Variants in USP2 observed in about 807,000 individuals in gnomAD.
USP2 encodes the protein ubiquitin carboxyl-terminal hydrolase 2.
Under a neutral mutation model 72.0 loss-of-function variants are expected in USP2, and 33 were observed. The observed-to-expected ratio is 0.46, with a 90% CI of 0.35 to 0.61. The LOEUF (loss-of-function observed/expected upper bound fraction) is 0.61, where lower values mean the gene tolerates loss of function less well. Ranked by LOEUF, USP2 falls within the 20% of genes least tolerant of loss-of-function variation. The pLI is 0.01. For synonymous variants in USP2, 296 were observed against 312.5 expected, an observed-to-expected ratio of 0.95 and a Z score of 0.56; for missense variants, 691 against 797.8, an observed-to-expected ratio of 0.87 and a Z score of 1.61.
chr11:119,367,316 GGAGT>G (rs1591326448), intron 2 of USP2, among the ~76,000 whole-genome samples: 1 of 152,198 alleles, frequency 6.6e-6, no homozygotes. Flanking sequence ...GGCATGAGAT[GGAGT>G]GATATAAATG....
intron 3 of USP2, 103 bp downstream of exon 3, chr11:119,360,081 G>A (rs927760665): frequency 2.1e-5 from 29 of 1,402,032 alleles, no homozygotes; most frequent in South Asian, 6.2e-5. Context: ...CTGGCTGAAC[G>A]GGTAGGGAGT....
chr11:119,360,424 TTTC>T, intron 2 of USP2, 190 bp from the exon 3 acceptor site: 11 of 701,650 alleles, frequency 1.6e-5, no homozygotes, highest in Middle Eastern at 3.2e-4. Flanking sequence ...TTTCTTTTCT[TTTC>T]TTTTTTTTTT....
chr11:119,358,940 C>G, intron 6 of USP2, 84 bp downstream of exon 6: 2 of 1,588,604 alleles, frequency 1.3e-6, no homozygotes, highest in Non-Finnish European at 1.7e-6. Flanking sequence ...CAGATTATTC[C>G]CAAATCATTA....
Position 119,381,457 on chromosome 11 carries a change from G to C in USP2, c.-42+16C>G, listed in dbSNP as rs1426626738. 2 of 1,535,784 alleles carry C rather than the reference G, an allele frequency of 1.3e-6. No individual in the cohort carries two copies. The highest frequency in any genetic ancestry group is 1.4e-5 in the African/African-American group (1 of 73,038). ...CCCGAATCCCCCCTCCCGGATCCCC[G>C]ACAGGTGGCACGTACCTGCCTCTTC... is the stretch of plus-strand genomic sequence containing the variant. On this transcript the variant is annotated intron_variant, in intron 1 of 12. Coordinates refer to ENST00000260187, the MANE Select transcript of USP2 (RefSeq NM_004205.5).
At position 119,358,798 on chromosome 11, in the gene USP2, T is replaced by C; in HGVS notation, c.1212A>G (p.Leu404=). 2 of 1,614,118 alleles carry C rather than the reference T, an allele frequency of 1.2e-6. No homozygotes were observed. Among genetic ancestry groups the C allele is most frequent in the Non-Finnish European group, 1.7e-6 (2 of 1,180,042 alleles). The stretch of plus-strand genomic sequence containing the variant: ...CCCCGATCCTACTGTCTTCCCGTTC[T>C]AGATATTTTCTCCACATCTGTCGGC... ...EKGRQMWRKY[L]EREDSRIGDL... The change falls in exon 7 of 13, where the codon CTA becomes CTG. Residue 404 remains leucine (L), a synonymous_variant. Coordinates refer to ENST00000260187, the MANE Select transcript of USP2 (RefSeq NM_004205.5).
Position 119,372,833 on chromosome 11 carries a change from A to AG in USP2, c.647dup (p.Pro217SerfsTer6). 6.2e-7 allele frequency: 1 copy of AG among 1,608,042 alleles called. No homozygotes were observed. Among genetic ancestry groups the AG allele is most frequent in the Non-Finnish European group, 8.5e-7 (1 of 1,177,542 alleles). ...TGATGATTTCAGGGACTCGTGAGGGAGGGGCCTGGGAGGGCACCTGAGATG... is the reference window on the plus strand; with the variant it reads ...TGATGATTTCAGGGACTCGTGAGGGAGGGGGCCTGGGAGGGCACCTGAGATG... On this transcript the variant is annotated frameshift_variant, in exon 2 of 13. Coordinates refer to ENST00000260187, the MANE Select transcript of USP2 (RefSeq NM_004205.5). LOFTEE classifies it high-confidence loss of function.
In USP2 at chr11:119,358,770, T is replaced by C. The variant is rs888922783; in HGVS notation, c.1237+3A>G. On this transcript the variant is annotated splice_donor_region_variant and intron_variant, in intron 7 of 12. Coordinates refer to ENST00000260187, the MANE Select transcript of USP2 (RefSeq NM_004205.5). ...ACAGGCATCTTCCCTTTCATGCGCT[T>C]ACCCCCGATCCTACTGTCTTCCCGT... The C allele has an allele frequency of 5.0e-6, 8 of 1,614,030 alleles. No individual in the cohort carries two copies. The highest frequency in any genetic ancestry group is 6.8e-6 in the Non-Finnish European group (8 of 1,180,040).
chr11:119,367,725 C>A (rs900541205), intron 2 of USP2, among the ~76,000 whole-genome samples: 1 of 152,216 alleles, frequency 6.6e-6, no homozygotes, highest in Non-Finnish European at 1.5e-5. Flanking sequence ...CAGAGGCCCA[C>A]ACACCTCCTT....
chr11:119,379,092 G>T (rs1208241071), intron 1 of USP2: 1 of 985,442 alleles, frequency 1.0e-6, no homozygotes. Context: ...AGAAGCTGGA[G>T]CCTGACTCTG....
chr11:119,379,917 C>T (rs200099555), intron 1 of USP2, among the ~76,000 whole-genome samples: 7 of 116,534 alleles, frequency 6.0e-5, no homozygotes, highest in Non-Finnish European at 5.0e-5. Flanking sequence ...GTTCCTTTCT[C>T]TTTTTTTTTT....
In USP2 at chr11:119,381,597, T is replaced by G. The variant is rs1951059671; in HGVS notation, c.-166A>C. On this transcript the variant is annotated 5_prime_UTR_variant, in exon 1 of 13. Coordinates refer to ENST00000260187, the MANE Select transcript of USP2 (RefSeq NM_004205.5). The stretch of plus-strand genomic sequence containing the variant: ...ACGAAGAGGGCTCCCCGGCCTCGGC[T>G]CCTGCCTGACTCTCTCCCACCTCCG... The G allele has an allele frequency of 7.9e-6, 12 of 1,517,648 alleles. No homozygotes were observed. Among genetic ancestry groups the G allele is most frequent in the Non-Finnish European group, 9.7e-6 (11 of 1,130,688 alleles). 94.0% of individuals were successfully genotyped at this position (1,517,648 alleles called of 1,614,324 possible). A position where few individuals can be genotyped will look rare whatever the true frequency, so the allele number is the denominator to read the frequency against.
At chr11:119,370,054 A>G (rs1950906614) in intron 2 of USP2, among the ~76,000 whole-genome samples, 1 of 152,172 alleles carries the variant, frequency 6.6e-6, no homozygotes, top group African/African-American at 2.4e-5. Context: ...ACACGCCTGT[A>G]GTCCTAGCTA....
intron 2 of USP2, among the ~76,000 whole-genome samples, chr11:119,367,639 AT>A (rs1295381725): frequency 6.6e-6 from 1 of 152,208 alleles, no homozygotes. Flanking sequence ...GCTTCCCTGC[AT>A]GACGTGGACC....
At chr11:119,360,148 T>C in intron 3 of USP2, 36 bp downstream of exon 3, 1 of 1,609,024 alleles carries the variant, frequency 6.2e-7, no homozygotes, top group East Asian at 2.2e-5. Flanking sequence ...TAGTAGGGGG[T>C]GGGCCTGGGG....
Position 119,356,929 on chromosome 11 carries a change from A to C in USP2, c.1731-7T>G. On this transcript the variant is annotated splice_polypyrimidine_tract_variant and splice_region_variant and intron_variant, in intron 12 of 12. Transcript: ENST00000260187. ...GGAGGACATGGGAGTGACGCTGCGG[A>C]GAGAGCGGGGAGTCAGCCCGGAGCG... 5.8e-6 allele frequency: 9 copies of C among 1,554,992 alleles called. No individual in the cohort carries two copies. The highest frequency in any genetic ancestry group is 7.8e-6 in the Non-Finnish European group (9 of 1,149,828).
chr11:119,370,749 G>A (rs1950915292), intron 2 of USP2, among the ~76,000 whole-genome samples: 1 of 152,230 alleles, frequency 6.6e-6, no homozygotes. Context: ...CCCGGCTAAA[G>A]TGCCTTATGA....
Position 119,357,602 on chromosome 11 carries a change from G to GT in USP2, c.1502-13dup. The stretch of plus-strand genomic sequence containing the variant: ...GAACCGCTTCAGATCTGGCATTGAC[G>GT]TGAGTCAAGGATAGTCAAACCAATG... On this transcript the variant is annotated splice_polypyrimidine_tract_variant and intron_variant, in intron 10 of 12. Coordinates refer to ENST00000260187, the MANE Select transcript of USP2 (RefSeq NM_004205.5). 1.2e-6 allele frequency: 2 copies of GT among 1,614,142 alleles called. No individual in the cohort carries two copies. Among genetic ancestry groups the GT allele is most frequent in the Non-Finnish European group, 1.7e-6 (2 of 1,180,046 alleles).
At chr11:119,373,669 A>G in intron 1 of USP2, 148 bp from the exon 2 acceptor site, 1 of 755,842 alleles carries the variant, frequency 1.3e-6, no homozygotes, top group Non-Finnish European at 2.1e-6. Context: ...GCACACATGC[A>G]CGCAGGTGTG....
intron 2 of USP2, among the ~76,000 whole-genome samples, chr11:119,367,119 A>T (rs1251376161): frequency 6.6e-6 from 1 of 152,166 alleles, no homozygotes; most frequent in Non-Finnish European, 1.5e-5. Flanking sequence ...TCGGAGTGGG[A>T]TGGATACAAA....
Sources: gnomAD v4.1 joint callset for allele counts (sites outside exome capture counted in the v4.1 genomes callset) on GRCh38, gnomAD v4.1.1 for gene constraint, MANE v1.5 for transcripts, NCBI Gene and HGNC (gene_info 2026-07-23, HGNC 2026-07-21) for gene names.